Variants in SMAP1 observed in about 807,000 individuals in gnomAD.
SMAP1 encodes the protein small ArfGAP 1.
In SMAP1, 24 loss-of-function variants were observed where a neutral mutation model predicts 58.5. The ratio of observed to expected loss-of-function variants is 0.41; its 90% CI spans 0.30 to 0.58. The LOEUF (loss-of-function observed/expected upper bound fraction) is 0.58, where lower values mean the gene tolerates loss of function less well. SMAP1 is among the 20% of genes least tolerant of loss of function. The probability of loss-of-function intolerance (pLI) is 0.29; values close to 1 mark genes in which losing one functional copy is unlikely to be tolerated. For missense variants in SMAP1, 563 were observed against 566.3 expected, an observed-to-expected ratio of 0.99 and a Z score of 0.06; for synonymous variants, 216 against 196.6, an observed-to-expected ratio of 1.10 and a Z score of -0.82.
intron 1 of SMAP1, among the ~76,000 whole-genome samples, chr6:70,712,985 GT>G (rs1226168045): frequency 6.6e-6 from 1 of 151,482 alleles, no homozygotes; most frequent in Non-Finnish European, 1.5e-5. Flanking sequence ...TAGAGATGGG[GT>G]TTCACCATGT....
chr6:70,743,987 T>C (rs1765916303), intron 2 of SMAP1, among the ~76,000 whole-genome samples: 1 of 152,240 alleles, frequency 6.6e-6, no homozygotes, highest in Non-Finnish European at 1.5e-5. Context: ...TATTTTCTTT[T>C]TCCTCTTGAT....
At chr6:70,831,331 A>G (rs1052393376) in intron 6 of SMAP1, among the ~76,000 whole-genome samples, 4 of 151,998 alleles carry the variant, frequency 2.6e-5, no homozygotes, top group African/African-American at 9.7e-5. Context: ...GGTAAATTGC[A>G]TGTCACAGGG....
intron 6 of SMAP1, among the ~76,000 whole-genome samples, chr6:70,816,084 T>C (rs902404965): frequency 2.0e-5 from 3 of 152,144 alleles, no homozygotes; most frequent in Non-Finnish European, 2.9e-5. Context: ...TTGAGAGATA[T>C]CATGTTGAGA....
chr6:70,849,503 G>T (rs1771107592), intron 7 of SMAP1, among the ~76,000 whole-genome samples: 1 of 152,134 alleles, frequency 6.6e-6, no homozygotes, highest in Non-Finnish European at 1.5e-5. Flanking sequence ...AAGTTATGTT[G>T]CAGTGAAGGG....
intron 4 of SMAP1, among the ~76,000 whole-genome samples, chr6:70,785,342 G>A (rs1370580265): frequency 6.6e-6 from 1 of 152,060 alleles, no homozygotes; most frequent in Non-Finnish European, 1.5e-5. Flanking sequence ...ATGCCCACAA[G>A]AGAAAGCAGG....
intron 10 of SMAP1, 114 bp downstream of exon 10, chr6:70,858,343 C>T (rs1771534665): frequency 4.5e-6 from 4 of 890,600 alleles, no homozygotes; most frequent in South Asian, 2.0e-5. Context: ...AGAAAGAATT[C>T]AATAGGGATA....
rs937397523 is a variant in SMAP1 at position 70,839,796 on chromosome 6, A to C, written c.664+2768A>C. ...CACATCTGCTGGTTATCAATTTCCT[A>C]AACTCTTAAAAAATATTTTCAGACT... On this transcript the variant is annotated intron_variant, in intron 7 of 10. Transcript: ENST00000370455. 1.6e-4 allele frequency among the ~76,000 whole-genome samples: 24 copies of C among 152,214 alleles called. 1 individual carries two copies. The highest frequency in any genetic ancestry group is 2.9e-4 in the Non-Finnish European group (20 of 68,050).
chr6:70,861,867 A>G lies in SMAP1; in HGVS notation c.*1533A>G. On this transcript the variant is annotated 3_prime_UTR_variant, in exon 11 of 11. Coordinates refer to ENST00000370455, the MANE Select transcript of SMAP1 (RefSeq NM_001044305.3). ...ATTTGCTTTCGGTTCCAGTTCTTCG[A>G]CTGTTGTTATCTGTTTGAGAAAGTC... The G allele has an allele frequency of 6.2e-7, 1 of 1,613,956 alleles. No individual in the cohort carries two copies. Among genetic ancestry groups the G allele is most frequent in the Non-Finnish European group, 8.5e-7 (1 of 1,179,970 alleles).
chr6:70,771,166 G>T (rs895297143), intron 3 of SMAP1, among the ~76,000 whole-genome samples: 2 of 152,170 alleles, frequency 1.3e-5, no homozygotes, highest in Admixed American at 6.5e-5. Context: ...CCTACTGGGG[G>T]GTGCCTCCCA....
At chr6:70,748,325 T>A (rs868611124) in intron 2 of SMAP1, among the ~76,000 whole-genome samples, 5 of 152,244 alleles carry the variant, frequency 3.3e-5, no homozygotes, top group African/African-American at 7.2e-5. Context: ...ATCCTAGTCT[T>A]TGTGTTTTAA....
chr6:70,836,864 C>A, intron 6 of SMAP1, 77 bp from the exon 7 acceptor site: 1 of 1,151,354 alleles, frequency 8.7e-7, no homozygotes. Context: ...TTATCAGAAC[C>A]CTGTAATTAA....
In SMAP1 at chr6:70,689,727, C is replaced by T. The variant is rs190723244; in HGVS notation, c.118+21586C>T. The stretch of plus-strand genomic sequence containing the variant: ...AATATATCTCTCCAATTATTTAGAT[C>T]TTACTTAATTTTGCTTGGCAGTATT... On this transcript the variant is annotated intron_variant, in intron 1 of 10. Coordinates refer to ENST00000370455, the MANE Select transcript of SMAP1 (RefSeq NM_001044305.3). 6.6e-5 allele frequency among the ~76,000 whole-genome samples: 10 copies of T among 152,272 alleles called. No individual in the cohort carries two copies. The East Asian group carries it at 1.7e-3, about 26-fold the overall frequency.
chr6:70,753,517 T>G (rs1025278090), intron 2 of SMAP1, among the ~76,000 whole-genome samples: 3 of 152,128 alleles, frequency 2.0e-5, no homozygotes, highest in Admixed American at 1.3e-4. Flanking sequence ...CAGCATCATT[T>G]GAATGCTTGA....
chr6:70,858,745 G>A (rs891417046), intron 10 of SMAP1: 10 of 152,810 alleles, frequency 6.5e-5, no homozygotes, highest in African/African-American at 2.4e-4. Context: ...CTGCCCCATG[G>A]CTCTGTAAAA....
intron 1 of SMAP1, among the ~76,000 whole-genome samples, chr6:70,700,866 T>C (rs559926224): frequency 1.3e-5 from 2 of 152,324 alleles, no homozygotes; most frequent in African/African-American, 4.8e-5. Flanking sequence ...CTGCCAGAAC[T>C]GTGTCCTTCC....
In SMAP1 at chr6:70,815,117, C is replaced by T. The variant is rs567668611; in HGVS notation, c.576+16380C>T. Among the ~76,000 whole-genome samples, 42 of 152,156 alleles carry T rather than the reference C, an allele frequency of 2.8e-4. 1 individual carries two copies. The highest frequency in any genetic ancestry group is 9.4e-4 in the African/African-American group (39 of 41,536). ...CTTGGCATTGCTCACACTAATTGCT[C>T]GTAAGTGGTACTATGCTGATTAAAT... On this transcript the variant is annotated intron_variant, in intron 6 of 10. Coordinates refer to ENST00000370455, the MANE Select transcript of SMAP1 (RefSeq NM_001044305.3).
chr6:70,770,867 C>T (rs942873507), intron 3 of SMAP1, among the ~76,000 whole-genome samples: 1 of 152,096 alleles, frequency 6.6e-6, no homozygotes, highest in African/African-American at 2.4e-5. Context: ...GTTTTTTCCC[C>T]ATCTTTGTGG....
At chr6:70,813,612 C>A (rs1161301312) in intron 6 of SMAP1, among the ~76,000 whole-genome samples, 1 of 151,918 alleles carries the variant, frequency 6.6e-6, no homozygotes, top group East Asian at 1.9e-4. Context: ...CTCACCCATC[C>A]CCACCACAAT....
At chr6:70,835,632 G>A (rs1022864830) in intron 6 of SMAP1, among the ~76,000 whole-genome samples, 6 of 152,004 alleles carry the variant, frequency 3.9e-5, no homozygotes, top group African/African-American at 1.2e-4. Context: ...TCAGCCTCCC[G>A]AGTAGCTGAG....
Sources: gnomAD v4.1 joint callset for allele counts (sites outside exome capture counted in the v4.1 genomes callset) on GRCh38, gnomAD v4.1.1 for gene constraint, MANE v1.5 for transcripts, NCBI Gene and HGNC (gene_info 2026-07-23, HGNC 2026-07-21) for gene names.